The following APOB variants were observed in gnomAD, a reference collection of about 807,000 sequenced individuals.
The protein encoded by APOB is apolipoprotein B.
Under a neutral mutation model 314.1 loss-of-function variants are expected in APOB, and 153 were observed. The observed-to-expected ratio is 0.49, with a 90% CI of 0.43 to 0.56. The LOEUF (loss-of-function observed/expected upper bound fraction) is 0.56. Among genes scored for constraint, APOB ranks in the 20% least tolerant of loss-of-function variants. The pLI is 0.00. For synonymous variants in APOB, 2,087 were observed against 2,036.4 expected (o/e 1.02, Z -0.67); for missense variants, 5,430 against 5,350.7 (o/e 1.01, Z -0.46).
At chr2:21,016,104 A>G (rs1003830269) in intron 21 of APOB, among the ~76,000 whole-genome samples, 1 of 152,146 alleles carries the variant, frequency 6.6e-6, no homozygotes, top group Admixed American at 6.5e-5. Flanking sequence ...CCTGGTCAAT[A>G]TGGTGAAACC....
rs992189721 is a variant in APOB, at chr2:21,027,712, G to C, written c.2067+116C>G. 3.7e-6 allele frequency: 3 copies of C among 821,122 alleles called. No homozygotes were observed. In the Admixed American group the frequency reaches 5.4e-5, roughly 15 times the overall value. The allele number at this position is 821,122 out of a possible 1,614,324, so 50.9% of individuals were successfully genotyped here. On this transcript the variant is annotated intron_variant, in intron 14 of 28. Transcript: ENST00000233242. ...GAAAGAAGAAAGCCTCAGAATCATG[G>C]TAGGAAGTGCCTGGTGGTTCTTAGT... is the stretch of plus-strand genomic sequence containing the variant.
chr2:21,006,425 A>C lies in APOB; in HGVS notation c.10443T>G (p.Leu3481=). ...AGTAAGAGGTGAGGCTTTCCAAGCT[A>C]AGCTTGTGGTCAACTGCTCCTTTAG... is the stretch of plus-strand genomic sequence containing the variant. ...STAKGAVDHK[L]SLESLTSYFS... The change falls in exon 26 of 29, where the codon CTT becomes CTG. Residue 3481 remains leucine, a synonymous_variant. Transcript: ENST00000233242. The C allele has an allele frequency of 6.2e-7, 1 of 1,614,082 alleles. No individual in the cohort carries two copies. The highest frequency in any genetic ancestry group is 8.5e-7 in the Non-Finnish European group (1 of 1,179,978).
chr2:21,032,038 T>G (rs1663894793), intron 10 of APOB, among the ~76,000 whole-genome samples: 1 of 152,234 alleles, frequency 6.6e-6, no homozygotes, highest in Non-Finnish European at 1.5e-5. Context: ...GATGTATATG[T>G]GATAAAGCAA....
chr2:21,028,190 T>C lies in APOB; in HGVS notation c.1830-125A>G, dbSNP rs1273608687. ...TCTTGATTTCATTGACCCTAAGTCT[T>C]TGGGTCTAGATCTGCTACACATTTG... On this transcript the variant is annotated intron_variant, in intron 13 of 28. Transcript: ENST00000233242. 5 of 1,143,074 alleles carry C rather than the reference T, an allele frequency of 4.4e-6. No homozygotes were observed. In the African/African-American group the frequency reaches 7.6e-5, roughly 17 times the overall value. 70.8% of individuals were successfully genotyped at this position (1,143,074 alleles called of 1,614,324 possible).
Position 21,009,176 on chromosome 2 carries a change from A to C in APOB, c.7692T>G (p.Phe2564Leu). The C allele has an allele frequency of 5.6e-6, 9 of 1,614,114 alleles. No individual in the cohort carries two copies. Among genetic ancestry groups the C allele is most frequent in the Non-Finnish European group, 7.6e-6 (9 of 1,179,970 alleles). ...WTLAAKNLTDFAEQYSIQDWA... is the reference protein window; with the variant it reads ...WTLAAKNLTDLAEQYSIQDWA... ...AATCTTGGATAGAATATTGCTCTGC[A>C]AAGTCAGTAAGGTTCTTAGCAGCAA... Residue 2564 changes from phenylalanine (F) to leucine (L), a missense_variant, in exon 26 of 29, where the codon TTT (phenylalanine) becomes TTG (leucine). By Grantham distance (22) the Phe-to-Leu change is conservative (BLOSUM62 0). This residue lies in a region of APOB where 3,281 missense variants were observed against 3,171.0 expected (regional missense o/e 1.03). Transcript: ENST00000233242.
In APOB at chr2:21,026,919, A is replaced by G; in HGVS notation, c.2113T>C (p.Phe705Leu). 6.2e-7 allele frequency: 1 copy of G among 1,614,228 alleles called. No individual in the cohort carries two copies. ...KGFEPTLEALFGKQGFFPDSV... is the reference protein window; with the variant it reads ...KGFEPTLEALLGKQGFFPDSV... ...TCTGGGAAAAATCCTTGCTTCCCAA[A>G]AAGAGCTTCCAATGTTGGCTCAAAG... The change falls in exon 15 of 29, where the codon TTT becomes CTT. Residue 705 changes from phenylalanine to leucine, a missense_variant. Transcript: ENST00000233242.
At position 21,001,515 on chromosome 2, in the gene APOB, C is replaced by T. The variant is rs1662975615; in HGVS notation, c.*215G>A. The T allele has an allele frequency of 3.8e-6, 2 of 529,902 alleles. No homozygotes were observed. Among genetic ancestry groups the T allele is most frequent in the Middle Eastern group, 5.0e-4 (1 of 2,012 alleles). The allele number at this position is 529,902 out of a possible 1,614,324, so 32.8% of individuals were successfully genotyped here. ...TCAGATCCTGATTTTCTTTAACTTG[C>T]AAAAAATGCCATCCTTCTGAGTTCA... On this transcript the variant is annotated 3_prime_UTR_variant, in exon 29 of 29. Coordinates refer to ENST00000233242, the MANE Select transcript of APOB (RefSeq NM_000384.3).
Position 21,003,236 on chromosome 2 carries a change from T to C in APOB, c.12186A>G (p.Ala4062=), listed in dbSNP as rs150521488. 20 of 1,613,908 alleles carry C rather than the reference T, an allele frequency of 1.2e-5. No individual in the cohort carries two copies. The highest frequency in any genetic ancestry group is 6.7e-5 in the African/African-American group (5 of 74,894). The change falls in exon 29 of 29, where the codon GCA becomes GCG. Residue 4062 remains alanine, a synonymous_variant. Coordinates refer to ENST00000233242, the MANE Select transcript of APOB (RefSeq NM_000384.3). ...TQIKVNWEEE[A]ASGLLTSLKD... is the part of the protein sequence containing the mutation. The stretch of plus-strand genomic sequence containing the variant: ...TCAGAGAGGTTAGCAAGCCAGAAGC[T>C]GCCTCTTCTTCCCAATTAACTTTGA...
At position 21,010,526 on chromosome 2, in the gene APOB, G is replaced by A. The variant is rs768164831; in HGVS notation, c.6342C>T (p.Ala2114=). The change falls in exon 26 of 29, where the codon GCC becomes GCT. Residue 2114 remains alanine (A), a synonymous_variant. Transcript: ENST00000233242. ...IDQFVRKYRA[A]LGKLPQQAND... The stretch of plus-strand genomic sequence containing the variant: ...TAGCTTGCTGTGGGAGTTTTCCCAG[G>A]GCTGCTCTGTATTTTCTTACAAATT... 2 of 1,609,996 alleles carry A rather than the reference G, an allele frequency of 1.2e-6. No homozygotes were observed. Among genetic ancestry groups the A allele is most frequent in the Admixed American group, 3.3e-5 (2 of 59,870 alleles).
In APOB at chr2:21,011,744, T is replaced by C. The variant is rs1572784788; in HGVS notation, c.5124A>G (p.Leu1708=). ...SLDGKAALTE[L]SLGSAYQAMI... is the part of the protein sequence containing the mutation. ...TGGCCTGATAAGCACTTCCCAGTGA[T>C]AGCTCTGTGAGGGCGGCTTTCCCAT... The change falls in exon 26 of 29, where the codon CTA becomes CTG. Residue 1708 remains leucine (L), a synonymous_variant. Coordinates refer to ENST00000233242, the MANE Select transcript of APOB (RefSeq NM_000384.3). 1 of 1,614,200 alleles carries C rather than the reference T, an allele frequency of 6.2e-7. No individual in the cohort carries two copies. Among genetic ancestry groups the C allele is most frequent in the Non-Finnish European group, 8.5e-7 (1 of 1,180,042 alleles).
rs1160904225 is a variant in APOB, at chr2:21,013,400, C to T, written c.3976G>A (p.Val1326Met). 2 of 1,614,110 alleles carry T rather than the reference C, an allele frequency of 1.2e-6. No individual in the cohort carries two copies. The highest frequency in any genetic ancestry group is 1.7e-6 in the Non-Finnish European group (2 of 1,180,040). Residue 1326 changes from valine (V) to methionine (M), a missense_variant, in exon 25 of 29, where the codon GTG (valine) becomes ATG (methionine). Coordinates refer to ENST00000233242, the MANE Select transcript of APOB (RefSeq NM_000384.3). ...VRTPALHFKS[V>M]GFHLPSREFQ... ...TCTCGAGATGGCAGATGGAATCCCA[C>T]AGACTTGAAGTGGAGGGCTGGTGTC...
chr2:21,008,968 T>C lies in APOB; in HGVS notation c.7900A>G (p.Lys2634Glu), dbSNP rs762550123. 12 of 1,614,064 alleles carry C rather than the reference T, an allele frequency of 7.4e-6. No homozygotes were observed. The highest frequency in any genetic ancestry group is 1.0e-5 in the Non-Finnish European group (12 of 1,179,946). ...GGGATTTTTATATTTTTTAAGTCTT[T>C]GAAGTTTATCTGAACTGATGGAATC... ...LRIPSVQINF[K>E]DLKNIKIPSR... Residue 2634 changes from lysine to glutamate, a missense_variant, in exon 26 of 29, where the codon AAA becomes GAA. Coordinates refer to ENST00000233242, the MANE Select transcript of APOB (RefSeq NM_000384.3).
chr2:21,040,813 T>A (rs1664111377), intron 4 of APOB, 125 bp downstream of exon 4: 1 of 1,103,378 alleles, frequency 9.1e-7, no homozygotes, highest in East Asian at 2.4e-5. Flanking sequence ...ACTCAGTAAT[T>A]CCCTGATCCA....
intron 6 of APOB, among the ~76,000 whole-genome samples, chr2:21,036,589 G>T (rs1664009166): frequency 6.6e-6 from 1 of 152,116 alleles, no homozygotes; most frequent in South Asian, 2.1e-4. Context: ...GCCATGTTTG[G>T]TCAGGGTGGT....
Position 21,029,684 on chromosome 2 carries a change from C to T in APOB, c.1572G>A (p.Gln524=). The T allele has an allele frequency of 6.2e-7, 1 of 1,614,198 alleles. No individual in the cohort carries two copies. Residue 524 remains glutamine (Q), a synonymous_variant, in exon 12 of 29, where the codon CAG becomes CAA. Coordinates refer to ENST00000233242, the MANE Select transcript of APOB (RefSeq NM_000384.3). ...TCCGCAGAGCCTGGATGGCAGCTTT[C>T]TGGATCATCAGTGATGGCTTTGTAC... The part of the protein sequence containing the change: ...VQSTKPSLMI[Q]KAAIQALRKM...
Position 21,005,766 on chromosome 2 carries a change from T to C in APOB, c.11102A>G (p.His3701Arg), listed in dbSNP as rs1309598942. Reference sequence around the variant, plus strand: ...CACAAAGGCAGTTGAAACACGAAGATGCTGTCTCCTACCAATGCTGGTGGT... The same window carrying C: ...CACAAAGGCAGTTGAAACACGAAGACGCTGTCTCCTACCAATGCTGGTGGT... ...DVTTSIGRRQ[H>R]LRVSTAFVYT... The change falls in exon 26 of 29, where the codon CAT becomes CGT. Residue 3701 changes from histidine to arginine, a missense_variant. His to Arg is a conservative substitution (Grantham distance 29, BLOSUM62 0). Transcript: ENST00000233242. 2.5e-6 allele frequency: 4 copies of C among 1,613,930 alleles called. No homozygotes were observed. The highest frequency in any genetic ancestry group is 3.4e-6 in the Non-Finnish European group (4 of 1,179,980).
intron 4 of APOB, among the ~76,000 whole-genome samples, chr2:21,038,399 C>T (rs2103385296): frequency 6.6e-6 from 1 of 152,036 alleles, no homozygotes; most frequent in African/African-American, 2.4e-5. Context: ...TGCAATGGCG[C>T]AACCTCAGCT....
chr2:21,035,498 G>T, intron 7 of APOB, 86 bp downstream of exon 7: 1 of 1,543,480 alleles, frequency 6.5e-7, no homozygotes, highest in Middle Eastern at 2.1e-4. Flanking sequence ...CCCAGGCACA[G>T]GTTTGCCTGG....
Position 21,005,345 on chromosome 2 carries a change from A to G in APOB, c.11523T>C (p.Asn3841=). The G allele has an allele frequency of 6.2e-7, 1 of 1,614,134 alleles. No individual in the cohort carries two copies. Among genetic ancestry groups the G allele is most frequent in the Non-Finnish European group, 8.5e-7 (1 of 1,179,970 alleles). ...VSDGIAALDL[N]AVANKIADFE... Reference sequence around the variant, plus strand: ...AGTCTGCGATCTTGTTGGCTACTGCATTTAGATCCAAAGCAGCAATGCCAT... The same window carrying G: ...AGTCTGCGATCTTGTTGGCTACTGCGTTTAGATCCAAAGCAGCAATGCCAT... The change falls in exon 26 of 29, where the codon AAT becomes AAC. Residue 3841 remains asparagine (N), a synonymous_variant. Transcript: ENST00000233242.
Sources: gnomAD v4.1 joint callset for allele counts (sites outside exome capture counted in the v4.1 genomes callset) on GRCh38, gnomAD v4.1.1 for gene constraint, gnomAD v4.1.1 regional missense constraint, MANE v1.5 for transcripts, NCBI Gene and HGNC (gene_info 2026-07-23, HGNC 2026-07-21) for gene names.